Variants in CRY1 observed in about 807,000 individuals in gnomAD.
The protein encoded by CRY1 is cryptochrome circadian regulator 1.
CRY1 carries 45 observed loss-of-function variants against 76.0 expected under a neutral mutation model. The ratio of observed to expected loss-of-function variants is 0.59; its 90% CI spans 0.47 to 0.76. The LOEUF (loss-of-function observed/expected upper bound fraction) is 0.76, where lower values mean the gene tolerates loss of function less well. CRY1 is among the 30% of genes least tolerant of loss of function. CRY1 has a pLI of 0.00. For missense variants in CRY1, 587 were observed against 716.4 expected, an observed-to-expected ratio of 0.82 and a Z score of 2.06; for synonymous variants, 248 against 244.0, an observed-to-expected ratio of 1.02 and a Z score of -0.15.
Position 107,061,005 on chromosome 12 carries a change from T to G in CRY1, c.158+31799A>C, listed in dbSNP as rs140004180. ...ACAAAAATCAAACAAACAAAAAAAATTATTTCTCTTTACTGAGATTCCCAA... is the reference window on the plus strand; with the variant it reads ...ACAAAAATCAAACAAACAAAAAAAAGTATTTCTCTTTACTGAGATTCCCAA... On this transcript the variant is annotated intron_variant, in intron 1 of 12. Coordinates refer to ENST00000008527, the MANE Select transcript of CRY1 (RefSeq NM_004075.5). Among the ~76,000 whole-genome samples, 304 of 151,934 alleles carry G rather than the reference T, an allele frequency of 2.0e-3. 2 individuals carry two copies. Among genetic ancestry groups the G allele is most frequent in the African/African-American group, 7.0e-3 (290 of 41,446 alleles).
Position 107,001,261 on chromosome 12 carries a change from A to G in CRY1, c.684+19T>C. On this transcript the variant is annotated intron_variant, in intron 5 of 12. Coordinates refer to ENST00000008527, the MANE Select transcript of CRY1 (RefSeq NM_004075.5). The stretch of plus-strand genomic sequence containing the variant: ...AGTTTGGAAATACAAGCATAGCTAT[A>G]TAATCTACATTATCATACTTTTCTT... 2 of 1,572,706 alleles carry G rather than the reference A, an allele frequency of 1.3e-6. No homozygotes were observed. Among genetic ancestry groups the G allele is most frequent in the South Asian group, 1.1e-5 (1 of 87,772 alleles).
intron 1 of CRY1, among the ~76,000 whole-genome samples, chr12:107,056,533 C>A (rs911125125): frequency 1.3e-5 from 2 of 152,016 alleles, no homozygotes; most frequent in African/African-American, 4.8e-5. Context: ...TGTGGCCCAA[C>A]ACAATTTTGT....
Position 106,997,950 on chromosome 12 carries a change from A to C in CRY1, c.1254T>G (p.Phe418Leu). ...CTCCATTGGGATCTGTTCTCCTACC[A>C]AAACCAACAGGGCAATAGCAGTGAA... The part of the protein sequence containing the change: ...QFFHCYCPVG[F>L]GRRTDPNGDY... The change falls in exon 8 of 13, where the codon TTT (phenylalanine) becomes TTG (leucine). Residue 418 changes from phenylalanine to leucine, a missense_variant. Physicochemically the swap from Phe to Leu is conservative, Grantham distance 22. Transcript: ENST00000008527. 6.2e-7 allele frequency: 1 copy of C among 1,614,090 alleles called. No individual in the cohort carries two copies. Among genetic ancestry groups the C allele is most frequent in the South Asian group, 1.1e-5 (1 of 91,078 alleles).
intron 1 of CRY1, among the ~76,000 whole-genome samples, chr12:107,051,056 T>C (rs1952913370): frequency 6.6e-6 from 1 of 152,114 alleles, no homozygotes; most frequent in Non-Finnish European, 1.5e-5. Context: ...AAAAGAAAGG[T>C]GGAGAAACAG....
intron 10 of CRY1, among the ~76,000 whole-genome samples, chr12:106,993,758 A>G (rs1952203725): frequency 6.6e-6 from 1 of 152,090 alleles, no homozygotes; most frequent in African/African-American, 2.4e-5. Context: ...ACCCTAAGTG[A>G]GTATGAAGTA....
At chr12:107,054,205 T>C (rs1241472804) in intron 1 of CRY1, among the ~76,000 whole-genome samples, 1 of 152,096 alleles carries the variant, frequency 6.6e-6, no homozygotes, top group Non-Finnish European at 1.5e-5. Context: ...TTAGAATATA[T>C]AAATCAGAAG....
At chr12:107,002,268 A>G (rs1424559088) in intron 3 of CRY1, among the ~76,000 whole-genome samples, 1 of 152,226 alleles carries the variant, frequency 6.6e-6, no homozygotes, top group Non-Finnish European at 1.5e-5. Context: ...TCTAAAGGCA[A>G]TTACAAAAAG....
intron 1 of CRY1, among the ~76,000 whole-genome samples, chr12:107,040,582 CA>C (rs1952787659): frequency 2.0e-5 from 3 of 151,856 alleles, no homozygotes; most frequent in Admixed American, 6.6e-5. Context: ...TGTGCCCAGC[CA>C]AAAGATGAAA....
rs76418503 is a variant in CRY1, at chr12:106,999,266, T to C, written c.1137+285A>G. Among the ~76,000 whole-genome samples the C allele has an allele frequency of 1.7e-3, 254 of 152,268 alleles. 3 individuals are homozygous for C. The East Asian group carries it at 0.042, about 25-fold the overall frequency. On this transcript the variant is annotated intron_variant, in intron 7 of 12. Coordinates refer to ENST00000008527, the MANE Select transcript of CRY1 (RefSeq NM_004075.5). ...GATAGAAATATCACCTATAAATATA[T>C]CTATCAACAAATTCAGTGTTAAATT...
chr12:107,083,234 T>A (rs549697267), intron 1 of CRY1, among the ~76,000 whole-genome samples: 1 of 152,276 alleles, frequency 6.6e-6, no homozygotes, highest in South Asian at 2.1e-4. Flanking sequence ...CAGGACTAGA[T>A]GGATTCACAG....
chr12:107,026,158 AATAT>A (rs150822026), intron 1 of CRY1, among the ~76,000 whole-genome samples: 9 of 80,146 alleles, frequency 1.1e-4, no homozygotes, highest in African/African-American at 6.1e-4. Context: ...ATATATATAA[AATAT>A]ATATATATAT....
chr12:107,092,504 G>A (rs1593551792), intron 1 of CRY1, among the ~76,000 whole-genome samples: 1 of 152,188 alleles, frequency 6.6e-6, no homozygotes, highest in East Asian at 1.9e-4. Flanking sequence ...CTAAGGACAG[G>A]AAAGGTGTTT....
chr12:107,009,195 A>T (rs1251525496), intron 2 of CRY1, among the ~76,000 whole-genome samples: 3 of 152,056 alleles, frequency 2.0e-5, no homozygotes, highest in African/African-American at 7.2e-5. Flanking sequence ...TTTAATGCTC[A>T]ACCAACTTTG....
At chr12:107,091,132 T>C (rs1953467309) in intron 1 of CRY1, among the ~76,000 whole-genome samples, 1 of 152,020 alleles carries the variant, frequency 6.6e-6, no homozygotes, top group Admixed American at 6.6e-5. Context: ...CTCCGTCTCC[T>C]AGGTTCATGC....
chr12:107,072,670 T>C (rs1953204171), intron 1 of CRY1, among the ~76,000 whole-genome samples: 2 of 152,194 alleles, frequency 1.3e-5, no homozygotes, highest in South Asian at 2.1e-4. Context: ...TGAATAGAGA[T>C]GTCAAAGTTT....
chr12:107,000,974 T>G (rs1309510154), intron 5 of CRY1, among the ~76,000 whole-genome samples: 1 of 151,794 alleles, frequency 6.6e-6, no homozygotes, highest in Admixed American at 6.6e-5. Context: ...AACACAAAGG[T>G]AAAGGTGAAA....
intron 1 of CRY1, among the ~76,000 whole-genome samples, chr12:107,060,715 G>A (rs1442031071): frequency 6.6e-6 from 1 of 152,150 alleles, no homozygotes; most frequent in African/African-American, 2.4e-5. Flanking sequence ...TTTGGGCCGG[G>A]TGTGGTGGCT....
At chr12:106,993,343 T>C (rs1342516835) in intron 10 of CRY1, among the ~76,000 whole-genome samples, 4 of 151,818 alleles carry the variant, frequency 2.6e-5, no homozygotes, top group Admixed American at 2.0e-4. Context: ...AAGAGTGAGA[T>C]AGACATTCCT....
intron 1 of CRY1, among the ~76,000 whole-genome samples, chr12:107,030,965 T>G (rs1461327029): frequency 6.6e-6 from 1 of 152,310 alleles, no homozygotes; most frequent in South Asian, 2.1e-4. Context: ...AGTATTATGC[T>G]TTCTATACTA....
Sources: gnomAD v4.1 joint callset for allele counts (sites outside exome capture counted in the v4.1 genomes callset) on GRCh38, gnomAD v4.1.1 for gene constraint, MANE v1.5 for transcripts, NCBI Gene and HGNC (gene_info 2026-07-23, HGNC 2026-07-21) for gene names.